CSMD1: variants seen among roughly 807,000 people sequenced by gnomAD.
CSMD1 encodes CUB and Sushi multiple domains 1.
Under a neutral mutation model 417.5 loss-of-function variants are expected in CSMD1, and 213 were observed. That is an observed-to-expected ratio of 0.51 (90% CI 0.46 to 0.57). The LOEUF (loss-of-function observed/expected upper bound fraction) is 0.57, where lower values mean the gene tolerates loss of function less well. CSMD1 is among the 20% of genes least tolerant of loss of function. The pLI is 0.00. For synonymous variants in CSMD1, 2,862 were observed against 1,736.8 expected, an observed-to-expected ratio of 1.65 and a Z score of -16.11; for missense variants, 6,923 against 4,529.7, an observed-to-expected ratio of 1.53 and a Z score of -15.17.
chr8:4,623,380 G>A (rs1042692378), intron 2 of CSMD1, among the ~76,000 whole-genome samples: 2 of 152,106 alleles, frequency 1.3e-5, no homozygotes, highest in South Asian at 4.1e-4. Flanking sequence ...TCATCCCTCA[G>A]GTGGGAATTT....
At chr8:4,090,922 T>C (rs1037763150) in intron 3 of CSMD1, among the ~76,000 whole-genome samples, 4 of 152,016 alleles carry the variant, frequency 2.6e-5, no homozygotes, top group African/African-American at 4.8e-5. Context: ...TTTTTTTTTT[T>C]TTCTTTTCTT....
At chr8:3,434,504 A>G (rs551791084) in intron 12 of CSMD1, among the ~76,000 whole-genome samples, 1 of 152,266 alleles carries the variant, frequency 6.6e-6, no homozygotes, top group African/African-American at 2.4e-5. Flanking sequence ...ATTTTGTTAT[A>G]GACAGTTCAA....
chr8:4,309,074 G>A lies in CSMD1; in HGVS notation c.415+110879C>T, dbSNP rs145245732. Among the ~76,000 whole-genome samples, 445 of 152,106 alleles carry A rather than the reference G, an allele frequency of 2.9e-3. 4 individuals are homozygous for A. Among genetic ancestry groups the A allele is most frequent in the African/African-American group, 9.9e-3 (409 of 41,514 alleles). On this transcript the variant is annotated intron_variant, in intron 3 of 69. Transcript: ENST00000635120. The stretch of plus-strand genomic sequence containing the variant: ...TATATTACTTTTTATTATTTTTTAT[G>A]TTAGGTTATTTTTGTAGTCACTTGT...
chr8:3,971,602 G>C (rs962406099), intron 5 of CSMD1, among the ~76,000 whole-genome samples: 2 of 152,082 alleles, frequency 1.3e-5, no homozygotes, highest in African/African-American at 4.8e-5. Flanking sequence ...GTTCAGTTTT[G>C]ACGGTCACTT....
intron 4 of CSMD1, among the ~76,000 whole-genome samples, chr8:4,019,087 TCTGGACTACTGCTAGATA>T: frequency 6.6e-6 from 1 of 152,344 alleles, no homozygotes; most frequent in South Asian, 2.1e-4. Flanking sequence ...ATTGTCTATA[TCTGGACTACTGCTAGATA>T]CATATTTTTG....
chr8:4,882,379 T>A (rs149325191), intron 1 of CSMD1, among the ~76,000 whole-genome samples: 2 of 151,566 alleles, frequency 1.3e-5, no homozygotes, highest in Non-Finnish European at 2.9e-5. Context: ...CGGAGGGAAA[T>A]TGAAGAGTAT....
At chr8:4,196,674 T>C (rs1027937193) in intron 3 of CSMD1, among the ~76,000 whole-genome samples, 5 of 152,188 alleles carry the variant, frequency 3.3e-5, no homozygotes, top group Non-Finnish European at 7.3e-5. Flanking sequence ...CTTCTGCCTC[T>C]TTCTACTGCT....
intron 3 of CSMD1, among the ~76,000 whole-genome samples, chr8:4,210,068 C>G (rs1164017350): frequency 6.6e-6 from 1 of 152,136 alleles, no homozygotes; most frequent in Non-Finnish European, 1.5e-5. Flanking sequence ...AGTCAAGTCC[C>G]ACCTCCTACC....
At chr8:3,435,737 A>G (rs1426743518) in intron 12 of CSMD1, among the ~76,000 whole-genome samples, 2 of 152,096 alleles carry the variant, frequency 1.3e-5, no homozygotes, top group African/African-American at 4.8e-5. Context: ...ACGTCACTCA[A>G]TCAGGTTCTT....
intron 36 of CSMD1, among the ~76,000 whole-genome samples, chr8:3,182,578 CTGTGTGTGTGTGTG>C (rs35090952): frequency 0.039 from 3,695 of 94,102 alleles, 257 homozygotes; most frequent in African/African-American, 0.092. Context: ...TTATAAGAAG[CTGTGTGTGTGTGTG>C]TGTGTGTGTG....
intron 3 of CSMD1, among the ~76,000 whole-genome samples, chr8:4,329,649 T>G (rs890852232): frequency 1.3e-5 from 2 of 152,080 alleles, no homozygotes; most frequent in African/African-American, 4.8e-5. Flanking sequence ...AGTGATATCG[T>G]TTGGATCTGT....
At chr8:4,881,935 G>A (rs1475034707) in intron 1 of CSMD1, among the ~76,000 whole-genome samples, 1 of 151,832 alleles carries the variant, frequency 6.6e-6, no homozygotes, top group South Asian at 2.1e-4. Flanking sequence ...CTTCTTGCAG[G>A]GAGAATCAGC....
intron 1 of CSMD1, among the ~76,000 whole-genome samples, chr8:4,853,421 C>T (rs750157236): frequency 1.3e-5 from 2 of 152,190 alleles, no homozygotes; most frequent in African/African-American, 2.4e-5. Context: ...TCAGAGGGTG[C>T]AATCCATAAG....
chr8:4,052,107 T>C (rs905390571), intron 3 of CSMD1, among the ~76,000 whole-genome samples: 2 of 151,992 alleles, frequency 1.3e-5, no homozygotes, highest in Non-Finnish European at 2.9e-5. Context: ...TTTTTAAAAA[T>C]AGAGACAGGG....
intron 1 of CSMD1, among the ~76,000 whole-genome samples, chr8:4,812,950 T>C (rs967865235): frequency 2.0e-5 from 3 of 152,160 alleles, no homozygotes; most frequent in African/African-American, 7.2e-5. Context: ...TTGACAAAAA[T>C]GTAAGAATAA....
At chr8:3,524,298 TACACTC>T (rs1306898100) in intron 10 of CSMD1, among the ~76,000 whole-genome samples, 1 of 130,880 alleles carries the variant, frequency 7.6e-6, no homozygotes, top group African/African-American at 2.9e-5. Flanking sequence ...CACACACACG[TACACTC>T]AGAGACATAT....
chr8:4,315,992 T>C (rs901571645), intron 3 of CSMD1, among the ~76,000 whole-genome samples: 14 of 152,182 alleles, frequency 9.2e-5, no homozygotes, highest in African/African-American at 3.4e-4. Context: ...TCTTTTATTC[T>C]TTTTTCTTTC....
intron 5 of CSMD1, among the ~76,000 whole-genome samples, chr8:3,996,167 C>G (rs1394572062): frequency 1.3e-5 from 2 of 148,390 alleles, no homozygotes; most frequent in East Asian, 2.0e-4. Context: ...GAATCACTAA[C>G]AAATCGGCCT....
chr8:3,427,040 T>C (rs1213068919), intron 12 of CSMD1, among the ~76,000 whole-genome samples: 2 of 151,964 alleles, frequency 1.3e-5, no homozygotes, highest in South Asian at 2.1e-4. Context: ...AACCAACACA[T>C]CTCATGAGAA....
Sources: allele counts gnomAD v4.1 joint callset (sites outside exome capture counted in the v4.1 genomes callset), GRCh38; gene constraint gnomAD v4.1.1; transcripts MANE v1.5; gene names NCBI Gene and HGNC (gene_info 2026-07-23, HGNC 2026-07-21).